Variants in MGRN1 observed in about 807,000 individuals in gnomAD.
The protein encoded by MGRN1 is E3 ubiquitin-protein ligase MGRN1.
In MGRN1, 29 loss-of-function variants were observed where a neutral mutation model predicts 69.2. The ratio of observed to expected loss-of-function variants is 0.42; its 90% CI spans 0.31 to 0.57. The LOEUF (loss-of-function observed/expected upper bound fraction) is 0.57. Among genes scored for constraint, MGRN1 ranks in the 20% least tolerant of loss-of-function variants. The pLI is 0.15. For missense variants in MGRN1, 998 were observed against 796.2 expected, an observed-to-expected ratio of 1.25 and a Z score of -3.05; for synonymous variants, 470 against 344.2, an observed-to-expected ratio of 1.37 and a Z score of -4.04.
chr16:4,682,036 G>A (rs938759017), intron 13 of MGRN1, among the ~76,000 whole-genome samples: 10 of 151,910 alleles, frequency 6.6e-5, no homozygotes, highest in Non-Finnish European at 1.3e-4. Context: ...AGGCGCATAC[G>A]TGCTCTCGAG....
chr16:4,645,549 C>T (rs376601913), intron 1 of MGRN1, among the ~76,000 whole-genome samples: 1 of 152,236 alleles, frequency 6.6e-6, no homozygotes, highest in African/African-American at 2.4e-5. Flanking sequence ...CTGAAAAGTG[C>T]TGTGGAGAAG....
At chr16:4,663,001 C>T (rs1209742930) in intron 5 of MGRN1, among the ~76,000 whole-genome samples, 7 of 152,224 alleles carry the variant, frequency 4.6e-5, no homozygotes, top group African/African-American at 2.4e-5. Flanking sequence ...AGGCTCTCCC[C>T]TCACCCAACT....
intron 1 of MGRN1, among the ~76,000 whole-genome samples, chr16:4,638,020 G>C (rs1249247575): frequency 2.0e-5 from 3 of 152,232 alleles, no homozygotes; most frequent in African/African-American, 7.2e-5. Context: ...CCAGAGCCCT[G>C]TATTTAATAT....
At chr16:4,631,069 A>G (rs1002131881) in intron 1 of MGRN1, among the ~76,000 whole-genome samples, 1 of 149,256 alleles carries the variant, frequency 6.7e-6, no homozygotes, top group Non-Finnish European at 1.5e-5. Context: ...CAATCTGCCC[A>G]CCTTGGCCTT....
chr16:4,650,645 C>T, intron 2 of MGRN1, 162 bp downstream of exon 2: 1 of 567,102 alleles, frequency 1.8e-6, no homozygotes. Flanking sequence ...GGCACGTGCC[C>T]TGGAATGGGT....
At chr16:4,628,611 C>G (rs568838260) in intron 1 of MGRN1, among the ~76,000 whole-genome samples, 84 of 152,194 alleles carry the variant, frequency 5.5e-4, no homozygotes, top group African/African-American at 2.0e-3. Context: ...GTGGCATGAT[C>G]TCGGCTCAGT....
chr16:4,646,248 TA>T (rs2078272491), intron 1 of MGRN1, among the ~76,000 whole-genome samples: 1 of 152,110 alleles, frequency 6.6e-6, no homozygotes, highest in African/African-American at 2.4e-5. Context: ...CTGGGTAGCA[TA>T]GTGAGACCCC....
chr16:4,687,721 C>T lies in MGRN1; in HGVS notation c.1619-1075C>T, dbSNP rs186444183. The T allele has an allele frequency of 1.2e-4, 121 of 985,498 alleles. 1 individual carries two copies. The African/African-American group carries it at 1.9e-3, about 15-fold the overall frequency. 61.0% of individuals were successfully genotyped at this position (985,498 alleles called of 1,614,324 possible). On this transcript the variant is annotated intron_variant, in intron 16 of 16. Coordinates refer to ENST00000262370, the MANE Select transcript of MGRN1 (RefSeq NM_015246.4). ...CACACAAGCTGCGTGCAGCTCTGGT[C>T]TGCCGAGGCCCATGCAGCCTGCTGG...
intron 4 of MGRN1, among the ~76,000 whole-genome samples, chr16:4,654,681 G>A (rs989986457): frequency 3.3e-5 from 5 of 152,264 alleles, no homozygotes; most frequent in African/African-American, 4.8e-5. Flanking sequence ...CTGGAAGTTC[G>A]GGTGGGTGGT....
intron 1 of MGRN1, among the ~76,000 whole-genome samples, chr16:4,644,554 C>T (rs1236612267): frequency 1.3e-5 from 2 of 152,136 alleles, no homozygotes; most frequent in Non-Finnish European, 2.9e-5. Flanking sequence ...AGGTGATCCA[C>T]CCACCTTGGC....
At chr16:4,667,045 C>G (rs1012267896) in intron 7 of MGRN1, among the ~76,000 whole-genome samples, 2 of 152,174 alleles carry the variant, frequency 1.3e-5, no homozygotes, top group Non-Finnish European at 2.9e-5. Context: ...AGCACCCTGC[C>G]GTTGCAGGTC....
chr16:4,641,515 CTTTTT>C (rs542014508), intron 1 of MGRN1, among the ~76,000 whole-genome samples: 2 of 135,412 alleles, frequency 1.5e-5, no homozygotes, highest in African/African-American at 2.7e-5. Context: ...TGCCTGGCTA[CTTTTT>C]TTTTTTTTTT....
intron 5 of MGRN1, among the ~76,000 whole-genome samples, chr16:4,662,808 G>A (rs1440391899): frequency 6.6e-6 from 1 of 152,230 alleles, no homozygotes; most frequent in Admixed American, 6.5e-5. Context: ...CTATGTGTCT[G>A]TTGGTTCTGA....
At chr16:4,668,648 A>G (rs1489624692) in intron 8 of MGRN1, among the ~76,000 whole-genome samples, 2 of 151,770 alleles carry the variant, frequency 1.3e-5, no homozygotes, top group African/African-American at 2.4e-5. Flanking sequence ...ACTCAGACAC[A>G]CTCATATACT....
intron 12 of MGRN1, chr16:4,680,310 C>T (rs1014568277): frequency 1.5e-5 from 8 of 546,610 alleles, no homozygotes; most frequent in African/African-American, 3.9e-5. Flanking sequence ...GCTGGCCCCG[C>T]CGCCCTCCCC....
chr16:4,683,571 C>T (rs527724232), intron 15 of MGRN1, among the ~76,000 whole-genome samples: 7 of 152,002 alleles, frequency 4.6e-5, no homozygotes, highest in South Asian at 2.1e-4. Context: ...AAAAAAAAGC[C>T]CTATGCTCTG....
At chr16:4,641,173 C>G (rs2078147976) in intron 1 of MGRN1, among the ~76,000 whole-genome samples, 1 of 152,228 alleles carries the variant, frequency 6.6e-6, no homozygotes, top group African/African-American at 2.4e-5. Context: ...GTACACAGCT[C>G]ATGCACGCAC....
rs551682217 is a variant in MGRN1, at chr16:4,678,836, C to T, written c.1066-1196C>T. On this transcript the variant is annotated intron_variant, in intron 11 of 16. Coordinates refer to ENST00000262370, the MANE Select transcript of MGRN1 (RefSeq NM_015246.4). ...CCTGAGGACTGGCGTTCACAGACAGCGCCTTTGCTCTAGAAGGCTCCTCCC... is the reference window on the plus strand; with the variant it reads ...CCTGAGGACTGGCGTTCACAGACAGTGCCTTTGCTCTAGAAGGCTCCTCCC... 1.2e-3 allele frequency among the ~76,000 whole-genome samples: 178 copies of T among 152,362 alleles called. 1 individual carries two copies. The highest frequency in any genetic ancestry group is 3.5e-3 in the African/African-American group (144 of 41,590).
At chr16:4,679,830 C>T (rs1027287921) in intron 11 of MGRN1, among the ~76,000 whole-genome samples, 3 of 152,116 alleles carry the variant, frequency 2.0e-5, no homozygotes, top group South Asian at 2.1e-4. Flanking sequence ...GCACAGCTCC[C>T]GGGAGCTGCC....
Sources: allele counts gnomAD v4.1 joint callset (sites outside exome capture counted in the v4.1 genomes callset), GRCh38; gene constraint gnomAD v4.1.1; transcripts MANE v1.5; gene names NCBI Gene and HGNC (gene_info 2026-07-23, HGNC 2026-07-21).